Variants in OLFML1 observed in about 807,000 individuals in gnomAD.
OLFML1 encodes olfactomedin-like protein 1.
In OLFML1, 33 loss-of-function variants were observed where a neutral mutation model predicts 37.3. The ratio of observed to expected loss-of-function variants is 0.88; its 90% confidence interval spans 0.67 to 1.18. The LOEUF is 1.18. Ranked by LOEUF, OLFML1 falls within the 50% of genes most tolerant of loss-of-function variation. The pLI is 0.00. For missense variants in OLFML1, 545 were observed against 483.7 expected (o/e 1.13, Z -1.19); for synonymous variants, 186 against 181.3 (o/e 1.03, Z -0.21).
intron 2 of OLFML1, among the ~76,000 whole-genome samples, chr11:7,505,591 G>A (rs761268853): frequency 2.0e-5 from 3 of 152,160 alleles, no homozygotes; most frequent in Admixed American, 6.5e-5. Flanking sequence ...AGCACTTTGG[G>A]AGGCCAAGGC....
In OLFML1 at chr11:7,488,198, ATC is replaced by A. The variant is rs754405624; in HGVS notation, c.203_204del (p.Ser68CysfsTer12). 1.2e-6 allele frequency: 2 copies of A among 1,613,368 alleles called. No individual in the cohort carries two copies. Among genetic ancestry groups the A allele is most frequent in the African/African-American group, 2.7e-5 (2 of 74,840 alleles). On this transcript the variant is annotated frameshift_variant, in exon 2 of 3. Coordinates refer to ENST00000329293, the MANE Select transcript of OLFML1 (RefSeq NM_198474.4). LOFTEE classifies it high-confidence loss of function. ...QEFQEFSKNI[S>X]VMLGRCQTYT... Reference sequence around the variant, plus strand: ...AATTCCAAGAGTTCTCAAAAAATATATCTGTCATGCTGGGAAGATGTCAGACC... The same window carrying A: ...AATTCCAAGAGTTCTCAAAAAATATATGTCATGCTGGGAAGATGTCAGACC...
Position 7,485,753 on chromosome 11 carries a change from A to C in OLFML1, c.-123A>C. The C allele has an allele frequency of 9.7e-7, 1 of 1,031,782 alleles. No homozygotes were observed. The highest frequency in any genetic ancestry group is 1.4e-6 in the Non-Finnish European group (1 of 694,520). 63.9% of individuals were successfully genotyped at this position (1,031,782 alleles called of 1,614,324 possible). The stretch of plus-strand genomic sequence containing the variant: ...AGCGGACTTTGCTCTCTGCTGTGCA[A>C]AACGCTGTTTTTAGAGGATTTGCCA... On this transcript the variant is annotated 5_prime_UTR_variant, in exon 1 of 3. Transcript: ENST00000329293.
In OLFML1 at chr11:7,485,953, C is replaced by T. The variant is rs1848516111; in HGVS notation, c.78C>T (p.Thr26=). The change falls in exon 1 of 3, where the codon ACC becomes ACT. Residue 26 remains threonine (T), a synonymous_variant. Transcript: ENST00000329293. ...LAAFLPPPQC[T]QDPAMVHYIY... is the part of the protein sequence containing the mutation. ...CTTTTCTGCCCCCGCCGCAGTGTAC[C>T]CAGGACCCAGCCATGGTGCATTACA... 3 of 1,613,852 alleles carry T rather than the reference C, an allele frequency of 1.9e-6. No individual in the cohort carries two copies. The highest frequency in any genetic ancestry group is 2.5e-6 in the Non-Finnish European group (3 of 1,179,952).
At chr11:7,507,552 CTTT>C (rs35968823) in intron 2 of OLFML1, among the ~76,000 whole-genome samples, 2 of 144,890 alleles carry the variant, frequency 1.4e-5, no homozygotes. Flanking sequence ...TTATGTGTAA[CTTT>C]TTTTTTTTTT....
At chr11:7,489,493 A>C (rs1848569612) in intron 2 of OLFML1, among the ~76,000 whole-genome samples, 1 of 151,866 alleles carries the variant, frequency 6.6e-6, no homozygotes, top group South Asian at 2.1e-4. Context: ...AGTTAATGAG[A>C]GACCTTGCAT....
chr11:7,510,056 G>A lies in OLFML1; in HGVS notation c.1077G>A (p.Leu359=). 1 of 1,614,230 alleles carries A rather than the reference G, an allele frequency of 6.2e-7. No individual in the cohort carries two copies. ...GTISEEDLPN[L]FFPKRPRSHS... ...TCAGTGAGGAGGACTTGCCCAACTTGTTCTTCCCCAAGAGACCAAGAAGTC... is the reference window on the plus strand; with the variant it reads ...TCAGTGAGGAGGACTTGCCCAACTTATTCTTCCCCAAGAGACCAAGAAGTC... The change falls in exon 3 of 3, where the codon TTG becomes TTA. Residue 359 remains leucine, a synonymous_variant. Transcript: ENST00000329293.
intron 2 of OLFML1, among the ~76,000 whole-genome samples, chr11:7,493,589 G>T (rs56951534): frequency 1.3e-5 from 2 of 152,126 alleles, no homozygotes; most frequent in Non-Finnish European, 2.9e-5. Flanking sequence ...CATTGGAGGC[G>T]CATGTAGAGT....
Position 7,510,554 on chromosome 11 carries a change from T to G in OLFML1, c.*366T>G, listed in dbSNP as rs144955870. ...AGAGTTGTATGCCAGCCCCTAATAT[T>G]CACCACTGGCTTTTCTCTCCCCTGG... is the stretch of plus-strand genomic sequence containing the variant. On this transcript the variant is annotated 3_prime_UTR_variant, in exon 3 of 3. Transcript: ENST00000329293. 8.1e-4 allele frequency: 151 copies of G among 186,928 alleles called. No individual in the cohort carries two copies. Among genetic ancestry groups the G allele is most frequent in the African/African-American group, 3.4e-3 (146 of 42,762 alleles). 11.6% of individuals were successfully genotyped at this position (186,928 alleles called of 1,614,324 possible). A position where few individuals can be genotyped will look rare whatever the true frequency, so the allele number is the denominator to read the frequency against.
At chr11:7,487,401 C>T (rs542688920) in intron 1 of OLFML1, among the ~76,000 whole-genome samples, 4 of 152,216 alleles carry the variant, frequency 2.6e-5, no homozygotes, top group East Asian at 1.9e-4. Flanking sequence ...AACAGCCTTA[C>T]GTATTGTTGT....
chr11:7,506,773 T>C (rs1848791504), intron 2 of OLFML1, among the ~76,000 whole-genome samples: 1 of 151,926 alleles, frequency 6.6e-6, no homozygotes, highest in Admixed American at 6.6e-5. Context: ...AGAATGCTGG[T>C]GAGAGAGCTA....
intron 2 of OLFML1, among the ~76,000 whole-genome samples, chr11:7,502,954 G>T (rs1015857199): frequency 7.2e-5 from 11 of 152,170 alleles, no homozygotes; most frequent in African/African-American, 2.4e-4. Flanking sequence ...AGGATTTGCT[G>T]GTGTTGGAGA....
At chr11:7,489,925 C>G (rs1028205487) in intron 2 of OLFML1, among the ~76,000 whole-genome samples, 1 of 151,964 alleles carries the variant, frequency 6.6e-6, no homozygotes, top group African/African-American at 2.4e-5. Flanking sequence ...CATTTATTGG[C>G]TCATAGGTTA....
chr11:7,494,607 C>T (rs1018364948), intron 2 of OLFML1, among the ~76,000 whole-genome samples: 16 of 152,182 alleles, frequency 1.1e-4, no homozygotes, highest in South Asian at 2.1e-4. Flanking sequence ...GTGCTGTCTG[C>T]GGAGCAGTGA....
chr11:7,509,728 T>C lies in OLFML1; in HGVS notation c.749T>C (p.Met250Thr), dbSNP rs1848833079. The change falls in exon 3 of 3, where the codon ATG becomes ACG. Residue 250 changes from methionine to threonine, a missense_variant. Met to Thr is a moderately conservative substitution (Grantham distance 81). Transcript: ENST00000329293. ...CAGAAGAGGACTGTGGAAGATCGAA[T>C]GCTGCTCCCAGGAGGGGTAGGCCGA... ...NLQKRTVEDR[M>T]LLPGGVGRAL... The C allele has an allele frequency of 6.2e-7, 1 of 1,614,126 alleles. No individual in the cohort carries two copies. Among genetic ancestry groups the C allele is most frequent in the Admixed American group, 1.7e-5 (1 of 60,012 alleles).
intron 2 of OLFML1, among the ~76,000 whole-genome samples, chr11:7,494,453 T>C (rs1238396354): frequency 6.6e-6 from 1 of 152,254 alleles, no homozygotes; most frequent in Non-Finnish European, 1.5e-5. Flanking sequence ...AGATAGGTAC[T>C]GTATATTATC....
chr11:7,506,035 T>G (rs1848781983), intron 2 of OLFML1, among the ~76,000 whole-genome samples: 1 of 152,154 alleles, frequency 6.6e-6, no homozygotes, highest in South Asian at 2.1e-4. Flanking sequence ...TAAAGAATAA[T>G]TTCTATGGAG....
At chr11:7,495,684 C>T (rs1199835894) in intron 2 of OLFML1, among the ~76,000 whole-genome samples, 1 of 152,030 alleles carries the variant, frequency 6.6e-6, no homozygotes, top group African/African-American at 2.4e-5. Flanking sequence ...TCTTTTCTGA[C>T]CTGAAGGAAT....
chr11:7,505,023 G>T (rs1848769525), intron 2 of OLFML1, among the ~76,000 whole-genome samples: 1 of 151,366 alleles, frequency 6.6e-6, no homozygotes, highest in African/African-American at 2.4e-5. Flanking sequence ...CACCTCCTGA[G>T]TGCATGTGAC....
chr11:7,507,315 ACTCTAAGTGTCCAT>A (rs1848796896), intron 2 of OLFML1, among the ~76,000 whole-genome samples: 4 of 98,252 alleles, frequency 4.1e-5, no homozygotes, highest in African/African-American at 1.5e-4. Flanking sequence ...TTTTGGTCTC[ACTCTAAGTGTCCAT>A]CATACACAGG....
Sources: gnomAD v4.1 joint callset for allele counts (sites outside exome capture counted in the v4.1 genomes callset) on GRCh38, gnomAD v4.1.1 for gene constraint, MANE v1.5 for transcripts, NCBI Gene and HGNC (gene_info 2026-07-23, HGNC 2026-07-21) for gene names.